Variants in KAZN observed in about 807,000 individuals in gnomAD.
The protein encoded by KAZN is kazrin, periplakin interacting protein.
In KAZN, 40 loss-of-function variants were observed where a neutral mutation model predicts 87.4. That is an observed-to-expected ratio of 0.46 (90% confidence interval 0.36 to 0.60). The LOEUF is 0.60. Among genes scored for constraint, KAZN ranks in the 20% least tolerant of loss-of-function variants. The pLI, the probability that KAZN is intolerant of heterozygous loss-of-function variation, is 0.00. For synonymous variants in KAZN, 466 were observed against 458.3 expected, an observed-to-expected ratio of 1.02 and a Z score of -0.22; for missense variants, 898 against 1,073.9, an observed-to-expected ratio of 0.84 and a Z score of 2.29.
At chr1:14,736,304 T>TA (rs201679446) in intron 1 of KAZN, among the ~76,000 whole-genome samples, 2,520 of 134,388 alleles carry the variant, frequency 0.019, 37 homozygotes, top group African/African-American at 0.033. Flanking sequence ...TGTGTGTATA[T>TA]TTTTTTTTTT....
Position 14,769,725 on chromosome 1 carries a change from C to T in KAZN, c.226+170502C>T, listed in dbSNP as rs983932914. Among the ~76,000 whole-genome samples, 1 of 152,198 alleles carries T rather than the reference C, an allele frequency of 6.6e-6. No individual in the cohort carries two copies. The highest frequency in any genetic ancestry group is 2.4e-5 in the African/African-American group (1 of 41,446). On this transcript the variant is annotated intron_variant, in intron 1 of 14. Transcript: ENST00000376030. This position sits in a 1 kb window ranked among gnomAD's most constrained non-coding sequence, Gnocchi z 4.1. ...GTGATTGCGGGAAATTAACACTGGT[C>T]CTTCATTCGTTCATTTAGTCAGCAA... is the stretch of plus-strand genomic sequence containing the variant.
At chr1:14,170,000 G>A (rs1167876970) in intron 1 of KAZN, among the ~76,000 whole-genome samples, 1 of 152,168 alleles carries the variant, frequency 6.6e-6, no homozygotes, top group African/African-American at 2.4e-5. Context: ...GCTGTGGCAG[G>A]CTGGACCTTC....
intron 2 of KAZN, among the ~76,000 whole-genome samples, chr1:14,515,674 A>G (rs1194322397): frequency 1.3e-5 from 2 of 152,058 alleles, no homozygotes; most frequent in Non-Finnish European, 2.9e-5. Flanking sequence ...CCTTGTCCCC[A>G]TGAGACCTTC....
intron 1 of KAZN, among the ~76,000 whole-genome samples, chr1:14,630,551 T>A (rs540547469): frequency 3.3e-5 from 5 of 152,316 alleles, no homozygotes; most frequent in Non-Finnish European, 5.9e-5. Context: ...TAATATTTTT[T>A]AAAAGATTAT....
intron 1 of KAZN, among the ~76,000 whole-genome samples, chr1:14,154,842 T>TA (rs1233335069): frequency 2.0e-5 from 3 of 152,222 alleles, no homozygotes; most frequent in Non-Finnish European, 2.9e-5. Context: ...CAAAGATATA[T>TA]TCCACTTGGT....
intron 2 of KAZN, among the ~76,000 whole-genome samples, chr1:14,304,177 A>G (rs1013788746): frequency 6.6e-6 from 1 of 152,216 alleles, no homozygotes; most frequent in Non-Finnish European, 1.5e-5. Flanking sequence ...AAGAATTTGA[A>G]TGACATTCTT....
At chr1:15,064,078 T>G (rs1453908542) in intron 7 of KAZN, among the ~76,000 whole-genome samples, 1 of 152,238 alleles carries the variant, frequency 6.6e-6, no homozygotes, top group African/African-American at 2.4e-5. Flanking sequence ...CCCATTATTA[T>G]TGAAAAGCTC....
chr1:14,457,742 T>C (rs1423890116), intron 2 of KAZN, among the ~76,000 whole-genome samples: 2 of 152,214 alleles, frequency 1.3e-5, no homozygotes, highest in Non-Finnish European at 2.9e-5. Context: ...ACAGATCATA[T>C]TGCATGTTCT....
At chr1:15,073,162 AGAGT>A (rs1004115781) in intron 8 of KAZN, among the ~76,000 whole-genome samples, 12 of 152,326 alleles carry the variant, frequency 7.9e-5, no homozygotes, top group African/African-American at 2.9e-4. Flanking sequence ...GTCCCATGGT[AGAGT>A]GAGTGAGAAG....
intron 1 of KAZN, among the ~76,000 whole-genome samples, chr1:14,704,669 G>A (rs1365141975): frequency 1.3e-5 from 2 of 152,172 alleles, no homozygotes; most frequent in African/African-American, 4.8e-5. Flanking sequence ...GCATCTGGAC[G>A]TCTTTTCCAT....
intron 2 of KAZN, among the ~76,000 whole-genome samples, chr1:14,487,548 T>G (rs1364718632): frequency 6.6e-6 from 1 of 152,072 alleles, no homozygotes. Flanking sequence ...GATGAAGAAA[T>G]TAGCTAAGTA....
intron 1 of KAZN, among the ~76,000 whole-genome samples, chr1:14,873,114 GAAT>G (rs1652364525): frequency 1.4e-5 from 2 of 143,564 alleles, no homozygotes; most frequent in South Asian, 4.4e-4. Flanking sequence ...ACAGATAGAT[GAAT>G]GGATGGGTGG....
intron 1 of KAZN, among the ~76,000 whole-genome samples, chr1:14,942,966 T>C (rs961706165): frequency 6.6e-6 from 1 of 151,294 alleles, no homozygotes; most frequent in African/African-American, 2.4e-5. Flanking sequence ...TGTGGTCTTG[T>C]GTTATGTTGA....
At chr1:14,914,851 C>G (rs78582057) in intron 1 of KAZN, among the ~76,000 whole-genome samples, 16 of 151,412 alleles carry the variant, frequency 1.1e-4, no homozygotes, top group African/African-American at 3.9e-4. Flanking sequence ...ATAGCAATAG[C>G]ACTTACATAG....
At chr1:14,284,122 G>A (rs1398699273) in intron 2 of KAZN, among the ~76,000 whole-genome samples, 1 of 151,382 alleles carries the variant, frequency 6.6e-6, no homozygotes, top group Admixed American at 6.6e-5. Context: ...GCTGGGGGGA[G>A]CAAAGAAAAT....
At chr1:14,008,298 C>T (rs1640126638) in intron 1 of KAZN, among the ~76,000 whole-genome samples, 1 of 152,056 alleles carries the variant, frequency 6.6e-6, no homozygotes, top group African/African-American at 2.4e-5. Flanking sequence ...TTCTCGCCAC[C>T]GTCCCTATTG....
intron 2 of KAZN, among the ~76,000 whole-genome samples, chr1:14,504,372 G>A (rs1047569934): frequency 3.3e-5 from 5 of 152,120 alleles, no homozygotes; most frequent in Admixed American, 1.3e-4. Flanking sequence ...GAAAAGATAC[G>A]GGAATTCATG....
At chr1:14,419,292 A>C (rs573024273) in intron 2 of KAZN, among the ~76,000 whole-genome samples, 1 of 152,206 alleles carries the variant, frequency 6.6e-6, no homozygotes, top group South Asian at 2.1e-4. Flanking sequence ...CATAAAGCGC[A>C]AAAGAAAGAA....
intron 1 of KAZN, among the ~76,000 whole-genome samples, chr1:14,848,689 G>C (rs1326350213): frequency 6.6e-6 from 1 of 152,122 alleles, no homozygotes; most frequent in African/African-American, 2.4e-5. Flanking sequence ...AGTTCCATTA[G>C]GCAGCTGCCC....
Sources: allele counts gnomAD v4.1 joint callset (sites outside exome capture counted in the v4.1 genomes callset), GRCh38; gene constraint gnomAD v4.1.1; non-coding constraint Gnocchi (gnomAD v3.1); transcripts MANE v1.5; gene names NCBI Gene and HGNC (gene_info 2026-07-23, HGNC 2026-07-21).